Variants in CACNA1E observed in about 807,000 individuals in gnomAD.
CACNA1E encodes the protein voltage-dependent R-type calcium channel subunit alpha-1E.
Under a neutral mutation model 259.2 loss-of-function variants are expected in CACNA1E, and 40 were observed. The observed-to-expected ratio is 0.15, with a 90% CI of 0.12 to 0.20. The LOEUF (loss-of-function observed/expected upper bound fraction) is 0.20. Among genes scored for constraint, CACNA1E ranks in the 10% least tolerant of loss-of-function variants. The pLI is 1.00. For synonymous variants in CACNA1E, 1,104 were observed against 1,138.5 expected, an observed-to-expected ratio of 0.97 and a Z score of 0.61; for missense variants, 1,874 against 3,040.1, an observed-to-expected ratio of 0.62 and a Z score of 9.02.
chr1:181,755,489 A>G (rs558887306), intron 28 of CACNA1E, 92 bp downstream of exon 28: 20 of 938,022 alleles, frequency 2.1e-5, no homozygotes, highest in South Asian at 1.8e-4. Context: ...CCTCCTTTCT[A>G]TCTTACCCAT....
chr1:181,685,345 C>T (rs191708160), intron 7 of CACNA1E, among the ~76,000 whole-genome samples: 128 of 149,258 alleles, frequency 8.6e-4, no homozygotes, highest in Non-Finnish European at 1.5e-3. Flanking sequence ...CCTCTCAAGT[C>T]AAGTATTATG....
chr1:181,751,877 G>T, intron 26 of CACNA1E: 4 of 602,778 alleles, frequency 6.6e-6, no homozygotes, highest in South Asian at 1.5e-5. Flanking sequence ...GTGCCTGTAT[G>T]TTCCTCTGTG....
Position 181,802,531 on chromosome 1 carries a change from C to T in CACNA1E, c.*3697C>T, listed in dbSNP as rs112267898. On this transcript the variant is annotated 3_prime_UTR_variant, in exon 48 of 48. Transcript: ENST00000367573. ...GCTGCATGTTAGCGCTGATCCAGCTCCTGAGATGGTTAATTCCACCCAATC... is the reference window on the plus strand; with the variant it reads ...GCTGCATGTTAGCGCTGATCCAGCTTCTGAGATGGTTAATTCCACCCAATC... 2.5e-4 allele frequency: 38 copies of T among 152,162 alleles called. No individual in the cohort carries two copies. The highest frequency in any genetic ancestry group is 1.6e-3 in the Admixed American group (24 of 15,282). The allele number at this position is 152,162 out of a possible 1,614,324, so 9.4% of individuals were successfully genotyped here.
chr1:181,558,006 T>G (rs1648917534), intron 3 of CACNA1E, among the ~76,000 whole-genome samples: 1 of 152,162 alleles, frequency 6.6e-6, no homozygotes, highest in African/African-American at 2.4e-5. Context: ...TCAGATACAA[T>G]TGTCCAGAAT....
In CACNA1E at chr1:181,793,726, C is replaced by T. The variant is rs749959606; in HGVS notation, c.5960C>T (p.Ser1987Leu). Residue 1987 changes from serine (S) to leucine (L), a missense_variant, in exon 45 of 48, where the codon TCG (serine) becomes TTG (leucine). This residue lies in a region of CACNA1E where 542 missense variants were observed against 587.2 expected (regional missense o/e 0.92). Coordinates refer to ENST00000367573, the MANE Select transcript of CACNA1E (RefSeq NM_001205293.3). ...QPSNHGIYLPSDTQEHAGSGR... is the reference protein window; with the variant it reads ...QPSNHGIYLPLDTQEHAGSGR... Reference sequence around the variant, plus strand: ...TCTAACCATGGCATCTACCTTCCTTCGGACACCCAGGAGCATGCGGGATCT... The same window carrying T: ...TCTAACCATGGCATCTACCTTCCTTTGGACACCCAGGAGCATGCGGGATCT... 1.9e-5 allele frequency: 31 copies of T among 1,611,388 alleles called. No homozygotes were observed. The highest frequency in any genetic ancestry group is 6.7e-5 in the East Asian group (3 of 44,860).
intron 7 of CACNA1E, among the ~76,000 whole-genome samples, chr1:181,663,678 C>T (rs1647914161): frequency 1.3e-5 from 2 of 152,124 alleles, no homozygotes; most frequent in South Asian, 4.1e-4. Flanking sequence ...TACTGGAGAT[C>T]CTCGAAAAAC....
chr1:181,318,543 C>T (rs375379781), intron 1 of CACNA1E, among the ~76,000 whole-genome samples: 17 of 152,148 alleles, frequency 1.1e-4, no homozygotes, highest in Non-Finnish European at 2.1e-4. Context: ...GGAGCAGGCT[C>T]GAGCCGCTGG....
At chr1:181,563,647 G>A (rs980150710) in intron 3 of CACNA1E, among the ~76,000 whole-genome samples, 1 of 152,154 alleles carries the variant, frequency 6.6e-6, no homozygotes, top group African/African-American at 2.4e-5. Flanking sequence ...AAGGGGAAAA[G>A]GAAGCATCAT....
intron 8 of CACNA1E, among the ~76,000 whole-genome samples, chr1:181,713,675 C>T (rs1217425740): frequency 6.6e-6 from 1 of 152,122 alleles, no homozygotes; most frequent in Non-Finnish European, 1.5e-5. Flanking sequence ...AGCTAGCTTT[C>T]CCCCAGCAGC....
chr1:181,669,277 T>C (rs1028511648), intron 7 of CACNA1E, among the ~76,000 whole-genome samples: 20 of 152,334 alleles, frequency 1.3e-4, no homozygotes, highest in Admixed American at 2.0e-4. Flanking sequence ...TAATGTTCTT[T>C]GTTTTGCAAG....
intron 3 of CACNA1E, among the ~76,000 whole-genome samples, chr1:181,521,706 G>A (rs1207395907): frequency 6.6e-6 from 1 of 152,148 alleles, no homozygotes; most frequent in Non-Finnish European, 1.5e-5. Context: ...TGCTGCATAG[G>A]AGAAGACTTA....
At chr1:181,452,184 C>T (rs1207999645) in intron 2 of CACNA1E, among the ~76,000 whole-genome samples, 1 of 152,176 alleles carries the variant, frequency 6.6e-6, no homozygotes, top group Non-Finnish European at 1.5e-5. Context: ...GACAAATAGA[C>T]TTTTGAGTTC....
At chr1:181,390,596 C>T (rs891528655) in intron 1 of CACNA1E, among the ~76,000 whole-genome samples, 2 of 152,080 alleles carry the variant, frequency 1.3e-5, no homozygotes, top group Non-Finnish European at 2.9e-5. Flanking sequence ...GAAGCGAGGG[C>T]TCAGAGTGGT....
chr1:181,339,151 T>C (rs896208813), intron 1 of CACNA1E, among the ~76,000 whole-genome samples: 1 of 152,204 alleles, frequency 6.6e-6, no homozygotes, highest in African/African-American at 2.4e-5. Flanking sequence ...CAGGATCTTA[T>C]ATGATTCCAT....
At chr1:181,680,046 A>C (rs1341319418) in intron 7 of CACNA1E, among the ~76,000 whole-genome samples, 1 of 144,966 alleles carries the variant, frequency 6.9e-6, no homozygotes, top group African/African-American at 2.6e-5. Context: ...CCAGGAGTTC[A>C]AGGCTGCAGT....
intron 1 of CACNA1E, among the ~76,000 whole-genome samples, chr1:181,333,233 C>T (rs1322067007): frequency 6.6e-6 from 1 of 152,188 alleles, no homozygotes; most frequent in African/African-American, 2.4e-5. Context: ...CACTAGAAGT[C>T]TGTGGAAGAG....
chr1:181,572,361 A>C (rs894606140), intron 3 of CACNA1E, among the ~76,000 whole-genome samples: 1 of 152,180 alleles, frequency 6.6e-6, no homozygotes, highest in Non-Finnish European at 1.5e-5. Flanking sequence ...CATCATCAGG[A>C]TTGTATCAAT....
chr1:181,643,511 A>G (rs1438482812), intron 6 of CACNA1E, among the ~76,000 whole-genome samples: 2 of 152,102 alleles, frequency 1.3e-5, no homozygotes, highest in Non-Finnish European at 2.9e-5. Flanking sequence ...TTTCACTGAC[A>G]CACGGGTACC....
At chr1:181,442,265 GAGGGACACAGGTA>G (rs1660536352) in intron 2 of CACNA1E, among the ~76,000 whole-genome samples, 1 of 151,214 alleles carries the variant, frequency 6.6e-6, no homozygotes, top group Non-Finnish European at 1.5e-5. Context: ...GCACAGGTAT[GAGGGACACAGGTA>G]TGAGGGTCAG....
Sources: allele counts gnomAD v4.1 joint callset (sites outside exome capture counted in the v4.1 genomes callset), GRCh38; gene constraint gnomAD v4.1.1; regional missense constraint gnomAD v4.1.1; transcripts MANE v1.5; gene names NCBI Gene and HGNC (gene_info 2026-07-23, HGNC 2026-07-21).